Variants in SBK1 observed in about 807,000 individuals in gnomAD.
The protein encoded by SBK1 is serine/threonine-protein kinase SBK1.
Under a neutral mutation model 24.4 loss-of-function variants are expected in SBK1, and 11 were observed. The observed-to-expected ratio is 0.45, with a 90% CI of 0.28 to 0.75. The LOEUF (loss-of-function observed/expected upper bound fraction) is 0.75. SBK1 is among the 30% of genes least tolerant of loss of function. The pLI is 0.12. For missense variants in SBK1, 467 were observed against 620.5 expected (o/e 0.75, Z 2.63); for synonymous variants, 308 against 284.4 (o/e 1.08, Z -0.83).
intron 1 of SBK1, among the ~76,000 whole-genome samples, chr16:28,307,916 A>G (rs2044728353): frequency 6.6e-6 from 1 of 152,192 alleles, no homozygotes; most frequent in African/African-American, 2.4e-5. Context: ...GATTTAATCC[A>G]CAGTGGTTAG....
rs11863697 is a variant in SBK1, at chr16:28,300,101, C to T, written c.-8+6801C>T. On this transcript the variant is annotated intron_variant, in intron 1 of 3. Coordinates refer to ENST00000341901, the MANE Select transcript of SBK1 (RefSeq NM_001024401.3). ...ACACATCTCCTGCTCATCTTTGTCACTGTGTGCCTCCAAACTAGAATATGA... is the reference window on the plus strand; with the variant it reads ...ACACATCTCCTGCTCATCTTTGTCATTGTGTGCCTCCAAACTAGAATATGA... Among the ~76,000 whole-genome samples, 1,269 of 152,352 alleles carry T rather than the reference C, an allele frequency of 8.3e-3. 19 individuals carry two copies. Among genetic ancestry groups the T allele is most frequent in the African/African-American group, 0.029 (1,209 of 41,574 alleles).
chr16:28,259,776 G>C lies in SBK1; in HGVS notation c.257+274G>C, dbSNP rs574123109. Among the ~76,000 whole-genome samples, 2 of 152,232 alleles carry C rather than the reference G, an allele frequency of 1.3e-5. No individual in the cohort carries two copies. Among genetic ancestry groups the C allele is most frequent in the East Asian group, 3.9e-4 (2 of 5,168 alleles). On this transcript the variant is annotated intron_variant, in intron 1 of 3. Coordinates refer to the SBK1 transcript ENST00000671413. This position sits in a 1 kb window ranked among gnomAD's most constrained non-coding sequence, Gnocchi z 6.0. ...TGCTCAGAGCCCTCCATGGCTCCCA[G>C]CTCCCGTGGGATAAAGTTAACACTC...
At chr16:28,277,574 G>C (rs147430469) in intron 1 of SBK1, among the ~76,000 whole-genome samples, 54 of 152,284 alleles carry the variant, frequency 3.5e-4, no homozygotes, top group African/African-American at 1.3e-3. Flanking sequence ...CAAGAGGATC[G>C]CATGAGCCCA....
At chr16:28,296,446 C>T (rs997689310) in intron 1 of SBK1, among the ~76,000 whole-genome samples, 2 of 152,084 alleles carry the variant, frequency 1.3e-5, no homozygotes, top group African/African-American at 4.8e-5. Context: ...CCATGTTGGC[C>T]AGACTGGTCT....
intron 1 of SBK1, among the ~76,000 whole-genome samples, chr16:28,260,229 C>T (rs919308290): frequency 6.6e-6 from 1 of 151,986 alleles, no homozygotes; most frequent in Admixed American, 6.6e-5. Context: ...TGCTGCATAC[C>T]TATGTGGAGG....
chr16:28,293,799 A>T (rs2044619534), intron 1 of SBK1, among the ~76,000 whole-genome samples: 1 of 152,016 alleles, frequency 6.6e-6, no homozygotes, highest in South Asian at 2.1e-4. Flanking sequence ...AGTGCGGGGA[A>T]GGGGTGTGTT....
rs2044839877 is a variant in SBK1, at chr16:28,320,963, G to T, written c.*42G>T. ...TCGGACCCGGGAGCAGCCCGGGCCCGCCCCGAGCCGGTGCCCGGTGCGGCG... is the reference window on the plus strand; with the variant it reads ...TCGGACCCGGGAGCAGCCCGGGCCCTCCCCGAGCCGGTGCCCGGTGCGGCG... On this transcript the variant is annotated 3_prime_UTR_variant, in exon 4 of 4. Coordinates refer to ENST00000341901, the MANE Select transcript of SBK1 (RefSeq NM_001024401.3). The surrounding 1 kb of genome is among the most constrained non-coding windows in gnomAD (Gnocchi z 8.5). 5 of 1,347,110 alleles carry T rather than the reference G, an allele frequency of 3.7e-6. No individual in the cohort carries two copies. Among genetic ancestry groups the T allele is most frequent in the Non-Finnish European group, 3.8e-6 (4 of 1,054,694 alleles). The allele number at this position is 1,347,110 out of a possible 1,614,324, so 83.4% of individuals were successfully genotyped here.
intron 1 of SBK1, among the ~76,000 whole-genome samples, chr16:28,298,644 T>G (rs140335473): frequency 6.2e-4 from 94 of 152,382 alleles, no homozygotes; most frequent in Non-Finnish European, 1.1e-3. Context: ...CTTAAGTGTT[T>G]GCTCTGGCCT....
Position 28,260,084 on chromosome 16 carries a change from T to TGTGTG in SBK1, c.257+582_257+583insGTGTG, listed in dbSNP as rs1555535487. Reference sequence around the variant, plus strand: ...CGAAAATGCATGCATGTGTATTTGCTTGTGTGTGTGTGTGTGTGTGTGTAA... The same window carrying TGTGTG: ...CGAAAATGCATGCATGTGTATTTGCTGTGTGTGTGTGTGTGTGTGTGTGTGTGTAA... On this transcript the variant is annotated intron_variant, in intron 1 of 3. Coordinates refer to the SBK1 transcript ENST00000671413. Among the ~76,000 whole-genome samples, 1,104 of 149,940 alleles carry TGTGTG rather than the reference T, an allele frequency of 7.4e-3. 15 individuals are homozygous for TGTGTG. Among genetic ancestry groups the TGTGTG allele is most frequent in the African/African-American group, 0.025 (1,033 of 40,902 alleles).
intron 1 of SBK1, among the ~76,000 whole-genome samples, chr16:28,300,643 C>G (rs1442342094): frequency 6.6e-6 from 1 of 152,186 alleles, no homozygotes; most frequent in Non-Finnish European, 1.5e-5. Flanking sequence ...ATCTCAGAGT[C>G]TCAGTTTCCT....
chr16:28,292,244 C>G (rs992282859), upstream of SBK1: 1 of 108,964 alleles, frequency 9.2e-6, no homozygotes, highest in Non-Finnish European at 1.8e-5. Context: ...GGGCTCTGAC[C>G]TAGAAAAGGA....
chr16:28,280,147 A>ATGTGTGTGTGTGTGTGTGTGTG (rs1258164420), intron 1 of SBK1, among the ~76,000 whole-genome samples: 36 of 48,360 alleles, frequency 7.4e-4, no homozygotes, highest in Admixed American at 1.4e-3. Context: ...ATATATATAT[A>ATGTGTGTGTGTGTGTGTGTGTG]TATGTGTGTG....
At chr16:28,299,973 A>G (rs2044668012) in intron 1 of SBK1, among the ~76,000 whole-genome samples, 1 of 152,040 alleles carries the variant, frequency 6.6e-6, no homozygotes, top group African/African-American at 2.4e-5. Context: ...GCCCACCACA[A>G]TGCCTATGTG....
intron 1 of SBK1, among the ~76,000 whole-genome samples, chr16:28,262,191 G>C (rs1315808994): frequency 6.6e-6 from 1 of 152,092 alleles, no homozygotes; most frequent in African/African-American, 2.4e-5. Context: ...GCTGGGTGGG[G>C]TCACCTTGGG....
chr16:28,321,960 C>T lies in SBK1; in HGVS notation c.*1039C>T, dbSNP rs2044852671. On this transcript the variant is annotated 3_prime_UTR_variant, in exon 4 of 4. Coordinates refer to ENST00000341901, the MANE Select transcript of SBK1 (RefSeq NM_001024401.3). The stretch of plus-strand genomic sequence containing the variant: ...AGCTGGTTCGTGCTGGAAATTTCTC[C>T]TGGGTTTCTTGGGGTCAAACATGCC... 1 of 152,418 alleles carries T rather than the reference C, an allele frequency of 6.6e-6. No individual in the cohort carries two copies. Among genetic ancestry groups the T allele is most frequent in the African/African-American group, 2.4e-5 (1 of 41,422 alleles). The allele number at this position is 152,418 out of a possible 1,614,324, so 9.4% of individuals were successfully genotyped here. A position where few individuals can be genotyped will look rare whatever the true frequency, so the allele number is the denominator to read the frequency against.
rs947360483 is a variant in SBK1 at position 28,323,748 on chromosome 16, A to G, written c.*2827A>G. ...CCGCCCTTCCTCCATGTGTTTGTAA[A>G]TACTCTGGCATCCTTTGGCCCTGAG... On this transcript the variant is annotated 3_prime_UTR_variant, in exon 4 of 4. Coordinates refer to ENST00000341901, the MANE Select transcript of SBK1 (RefSeq NM_001024401.3). 1.3e-5 allele frequency: 2 copies of G among 152,744 alleles called. No homozygotes were observed. Among genetic ancestry groups the G allele is most frequent in the African/African-American group, 2.4e-5 (1 of 41,450 alleles). 9.5% of individuals were successfully genotyped at this position (152,744 alleles called of 1,614,324 possible). A position where few individuals can be genotyped will look rare whatever the true frequency, so the allele number is the denominator to read the frequency against.
intron 1 of SBK1, among the ~76,000 whole-genome samples, chr16:28,294,930 G>T (rs2044628172): frequency 6.6e-6 from 1 of 152,226 alleles, no homozygotes; most frequent in Non-Finnish European, 1.5e-5. Context: ...GGGCAAGCAC[G>T]TGGCCCTTCC....
chr16:28,272,977 C>A (rs1332976272), intron 1 of SBK1, among the ~76,000 whole-genome samples: 1 of 151,954 alleles, frequency 6.6e-6, no homozygotes, highest in Admixed American at 6.6e-5. Context: ...GTATAGATCA[C>A]ATTTTTTTCA....
intron 1 of SBK1, among the ~76,000 whole-genome samples, chr16:28,268,013 G>A (rs2044440992): frequency 6.6e-6 from 1 of 152,104 alleles, no homozygotes. Flanking sequence ...CAGGCGTGGT[G>A]GTGTGCACCT....
Sources: gnomAD v4.1 joint callset for allele counts (sites outside exome capture counted in the v4.1 genomes callset) on GRCh38, gnomAD v4.1.1 for gene constraint, Gnocchi (gnomAD v3.1) non-coding constraint, MANE v1.5 for transcripts, NCBI Gene and HGNC (gene_info 2026-07-23, HGNC 2026-07-21) for gene names.